The following LMTK2 variants were observed in gnomAD, a reference collection of about 807,000 sequenced individuals.
LMTK2 encodes serine/threonine-protein kinase LMTK2.
A neutral mutation model predicts 127.5 loss-of-function variants in LMTK2; 37 were observed. That is an observed-to-expected ratio of 0.29 (90% CI 0.22 to 0.38). LMTK2 has a LOEUF of 0.38. Ranked by LOEUF, LMTK2 falls within the 10% of genes least tolerant of loss-of-function variation. The probability of loss-of-function intolerance (pLI) is 1.00; values close to 1 mark genes in which losing one functional copy is unlikely to be tolerated. For synonymous variants in LMTK2, 819 were observed against 810.1 expected, an observed-to-expected ratio of 1.01 and a Z score of -0.19; for missense variants, 1,694 against 1,920.3, an observed-to-expected ratio of 0.88 and a Z score of 2.20.
chr7:98,107,236 T>A lies in LMTK2; in HGVS notation c.59T>A (p.Ile20Asn). 1 of 1,459,946 alleles carries A rather than the reference T, an allele frequency of 6.8e-7. No homozygotes were observed. The highest frequency in any genetic ancestry group is 9.0e-7 in the Non-Finnish European group (1 of 1,113,404). The allele number at this position is 1,459,946 out of a possible 1,614,324, so 90.4% of individuals were successfully genotyped here. A position where few individuals can be genotyped will look rare whatever the true frequency, so the allele number is the denominator to read the frequency against. Residue 20 changes from isoleucine (I) to asparagine (N), a missense_variant, in exon 1 of 14, where the codon ATC becomes AAC. This residue lies in a region of LMTK2 where 76 missense variants were observed against 82.0 expected (regional missense o/e 0.93). Coordinates refer to ENST00000297293, the MANE Select transcript of LMTK2 (RefSeq NM_014916.4). Reference sequence around the variant, plus strand: ...CTGCTGCTGCTGCTGGTCCTCCTGATCGCCGGCAGTGCTGGGGCCGCGCCA... The same window carrying A: ...CTGCTGCTGCTGCTGGTCCTCCTGAACGCCGGCAGTGCTGGGGCCGCGCCA... ...RLLLLLLVLLIAGSAGAAPLP... is the reference protein window; with the variant it reads ...RLLLLLLVLLNAGSAGAAPLP...
At chr7:98,112,938 C>A (rs1293204125) in intron 1 of LMTK2, among the ~76,000 whole-genome samples, 2 of 152,148 alleles carry the variant, frequency 1.3e-5, no homozygotes, top group Non-Finnish European at 2.9e-5. Context: ...CTCACTGTAG[C>A]CTCAAACTCC....
chr7:98,179,605 C>CCCTCTCTCCCT (rs1797324660), intron 7 of LMTK2, among the ~76,000 whole-genome samples: 1 of 142,188 alleles, frequency 7.0e-6, no homozygotes, highest in East Asian at 2.2e-4. Flanking sequence ...CTCTCTCCCT[C>CCCTCTCTCCCT]CCTCCCTTTC....
intron 1 of LMTK2, among the ~76,000 whole-genome samples, chr7:98,126,165 C>T (rs1026435032): frequency 6.6e-6 from 1 of 152,050 alleles, no homozygotes; most frequent in Non-Finnish European, 1.5e-5. Context: ...AAGTAAGGAG[C>T]AGACATTTAG....
At chr7:98,116,349 C>T (rs963903753) in intron 1 of LMTK2, among the ~76,000 whole-genome samples, 2 of 152,022 alleles carry the variant, frequency 1.3e-5, no homozygotes, top group African/African-American at 4.8e-5. Flanking sequence ...GAAGATGATA[C>T]TAGAGAACTA....
Position 98,106,897 on chromosome 7 carries a change from C to G in LMTK2, c.-281C>G, listed in dbSNP as rs546457062. On this transcript the variant is annotated 5_prime_UTR_variant, in exon 1 of 14. Coordinates refer to ENST00000297293, the MANE Select transcript of LMTK2 (RefSeq NM_014916.4). ...GCAGCCCATCATGGCGGCGGGAGCG[C>G]GGCTTCCCAGGCCCGCCGCTCCGCA... The G allele has an allele frequency of 1.7e-4, 74 of 441,370 alleles. 1 individual carries two copies. In the East Asian group the frequency reaches 2.3e-3, roughly 14 times the overall value. The allele number at this position is 441,370 out of a possible 1,614,324, so 27.3% of individuals were successfully genotyped here. A position where few individuals can be genotyped will look rare whatever the true frequency, so the allele number is the denominator to read the frequency against.
At chr7:98,123,741 A>G (rs918072490) in intron 1 of LMTK2, among the ~76,000 whole-genome samples, 2 of 152,046 alleles carry the variant, frequency 1.3e-5, no homozygotes, top group African/African-American at 4.8e-5. Context: ...ATACACATGT[A>G]TGTGTATATA....
rs556902011 is a variant in LMTK2 at position 98,184,899 on chromosome 7, TA to T, written c.792-151del. On this transcript the variant is annotated intron_variant, in intron 7 of 13. Transcript: ENST00000297293. Reference sequence around the variant, plus strand: ...TTGATGACATATGTAATACTTCTACTATGAAAAAGAATTTTGAGAGGTTAAT... The same window carrying T: ...TTGATGACATATGTAATACTTCTACTTGAAAAAGAATTTTGAGAGGTTAAT... 5.7e-5 allele frequency: 32 copies of T among 556,644 alleles called. No homozygotes were observed. In the African/African-American group the frequency reaches 5.8e-4, roughly 10 times the overall value. 34.5% of individuals were successfully genotyped at this position (556,644 alleles called of 1,614,324 possible).
chr7:98,120,520 C>T (rs182642956), intron 1 of LMTK2, among the ~76,000 whole-genome samples: 5 of 152,272 alleles, frequency 3.3e-5, no homozygotes, highest in Admixed American at 1.3e-4. Flanking sequence ...CTTTTTACTG[C>T]AAAACTAAAG....
At chr7:98,196,991 C>G (rs899849704) in intron 11 of LMTK2, among the ~76,000 whole-genome samples, 1 of 152,198 alleles carries the variant, frequency 6.6e-6, no homozygotes, top group Non-Finnish European at 1.5e-5. Context: ...TCCTCCCACT[C>G]CTGCTTTCTT....
At chr7:98,185,723 T>C (rs929145525) in intron 8 of LMTK2, among the ~76,000 whole-genome samples, 1 of 149,428 alleles carries the variant, frequency 6.7e-6, no homozygotes, top group African/African-American at 2.4e-5. Flanking sequence ...CTCCATTTTC[T>C]TTTCCTTTCT....
intron 1 of LMTK2, among the ~76,000 whole-genome samples, chr7:98,125,552 G>A (rs991977035): frequency 2.6e-5 from 4 of 152,150 alleles, no homozygotes; most frequent in Admixed American, 2.0e-4. Flanking sequence ...GGGTGACTGC[G>A]CAGCCATTTC....
In LMTK2 at chr7:98,193,340, G is replaced by C. The variant is rs1397157698; in HGVS notation, c.2875G>C (p.Ala959Pro). Residue 959 changes from alanine (A) to proline (P), a missense_variant, in exon 11 of 14, where the codon GCA becomes CCA. By Grantham distance (27) the Ala-to-Pro change is conservative. Around this residue, in one of 8 missense-constraint regions of LMTK2, gnomAD observed 527 missense variants for 539.8 expected, o/e 0.98. Coordinates refer to ENST00000297293, the MANE Select transcript of LMTK2 (RefSeq NM_014916.4). This position sits in a 1 kb window ranked among gnomAD's most constrained non-coding sequence, Gnocchi z 4.1. ...AAATCAGCTCAATTCTAAAGACGCA[G>C]CAAAAGAAGCAGGCTTGGTGTCTGC... ...TLNQLNSKDA[A>P]KEAGLVSALS... 2.5e-6 allele frequency: 4 copies of C among 1,614,066 alleles called. No homozygotes were observed. The highest frequency in any genetic ancestry group is 2.5e-6 in the Non-Finnish European group (3 of 1,180,050).
At chr7:98,204,907 C>A (rs1164022334) in intron 13 of LMTK2, among the ~76,000 whole-genome samples, 3 of 152,212 alleles carry the variant, frequency 2.0e-5, no homozygotes, top group African/African-American at 7.2e-5. Context: ...GGGACCAGCC[C>A]ACATGCCCTC....
intron 1 of LMTK2, among the ~76,000 whole-genome samples, chr7:98,124,295 C>T (rs1458696653): frequency 6.6e-6 from 1 of 152,180 alleles, no homozygotes; most frequent in African/African-American, 2.4e-5. Flanking sequence ...TGAGCCTCAC[C>T]ATGTACTGTC....
intron 7 of LMTK2, among the ~76,000 whole-genome samples, chr7:98,180,117 A>G (rs1797333918): frequency 6.6e-6 from 1 of 152,244 alleles, no homozygotes; most frequent in African/African-American, 2.4e-5. Context: ...TATTTTTTGA[A>G]TATTAGCCAT....
intron 7 of LMTK2, among the ~76,000 whole-genome samples, chr7:98,182,973 C>T (rs546709459): frequency 6.6e-6 from 1 of 152,352 alleles, no homozygotes; most frequent in African/African-American, 2.4e-5. Flanking sequence ...AATTCAGGCA[C>T]AACTGACCAG....
intron 4 of LMTK2, 113 bp downstream of exon 4, chr7:98,151,568 A>G (rs907598010): frequency 1.6e-5 from 13 of 789,902 alleles, no homozygotes; most frequent in African/African-American, 1.4e-4. Flanking sequence ...GCCCTGCGTT[A>G]CTAATTGAGT....
Position 98,194,673 on chromosome 7 carries a change from G to A in LMTK2, c.4107+101G>A. ...GTCTGTTTTCTAGTTGCCATTTTGA[G>A]GCAGCAGATTGTGATTACTCACAAA... On this transcript the variant is annotated intron_variant, in intron 11 of 13. Transcript: ENST00000297293. The surrounding 1 kb of genome is among the most constrained non-coding windows in gnomAD (Gnocchi z 5.4). The A allele has an allele frequency of 9.0e-7, 1 of 1,106,168 alleles. No individual in the cohort carries two copies. Among genetic ancestry groups the A allele is most frequent in the Non-Finnish European group, 1.3e-6 (1 of 794,184 alleles). The allele number at this position is 1,106,168 out of a possible 1,614,324, so 68.5% of individuals were successfully genotyped here. A position where few individuals can be genotyped will look rare whatever the true frequency, so the allele number is the denominator to read the frequency against.
intron 6 of LMTK2, among the ~76,000 whole-genome samples, chr7:98,163,671 G>A (rs1797047315): frequency 1.3e-5 from 2 of 152,158 alleles, no homozygotes; most frequent in African/African-American, 4.8e-5. Flanking sequence ...GCCAGAGAGG[G>A]CATCTACTTG....
Sources: allele counts gnomAD v4.1 joint callset (sites outside exome capture counted in the v4.1 genomes callset), GRCh38; gene constraint gnomAD v4.1.1; regional missense constraint gnomAD v4.1.1; non-coding constraint Gnocchi (gnomAD v3.1); transcripts MANE v1.5; gene names NCBI Gene and HGNC (gene_info 2026-07-23, HGNC 2026-07-21).